Variants in DDX21 observed in about 807,000 individuals in gnomAD.
DDX21 encodes DExD-box helicase 21.
Under a neutral mutation model 90.0 loss-of-function variants are expected in DDX21, and 18 were observed. The observed-to-expected ratio is 0.20, with a 90% CI of 0.14 to 0.30. DDX21 has a LOEUF of 0.30. Among genes scored for constraint, DDX21 ranks in the 10% least tolerant of loss-of-function variants. DDX21 has a pLI of 1.00. For missense variants in DDX21, 673 were observed against 944.5 expected (o/e 0.71, Z 3.77); for synonymous variants, 294 against 318.0 (o/e 0.92, Z 0.80).
At chr10:68,974,141 C>T (rs947378156) in intron 10 of DDX21, among the ~76,000 whole-genome samples, 1 of 152,088 alleles carries the variant, frequency 6.6e-6, no homozygotes, top group Non-Finnish European at 1.5e-5. Flanking sequence ...AGGACTTTAC[C>T]GAGGAGAGAT....
At chr10:68,957,609 C>T (rs999753995) in intron 1 of DDX21, among the ~76,000 whole-genome samples, 1 of 152,176 alleles carries the variant, frequency 6.6e-6, no homozygotes, top group Non-Finnish European at 1.5e-5. Flanking sequence ...CAGTCAATTG[C>T]GTTCAATTTG....
intron 9 of DDX21, 24 bp from the exon 10 acceptor site, chr10:68,973,521 T>G: frequency 6.2e-7 from 1 of 1,613,718 alleles, no homozygotes; most frequent in Non-Finnish European, 8.5e-7. Context: ...GGTTTAGTGT[T>G]ACTCATGTAT....
intron 1 of DDX21, among the ~76,000 whole-genome samples, chr10:68,959,353 G>T (rs1209013938): frequency 6.6e-6 from 1 of 152,132 alleles, no homozygotes; most frequent in South Asian, 2.1e-4. Context: ...AATTCGCTGG[G>T]TGTGGTGGTG....
chr10:68,958,349 G>GT (rs1842828355), intron 1 of DDX21, among the ~76,000 whole-genome samples: 1 of 151,988 alleles, frequency 6.6e-6, no homozygotes, highest in Non-Finnish European at 1.5e-5. Flanking sequence ...GCTGACTGCA[G>GT]TCTTGAATTC....
intron 1 of DDX21, among the ~76,000 whole-genome samples, chr10:68,957,807 G>A (rs1280888681): frequency 6.6e-6 from 1 of 152,150 alleles, no homozygotes; most frequent in African/African-American, 2.4e-5. Flanking sequence ...CAGAGACCAG[G>A]CCTGAAATTT....
intron 5 of DDX21, 50 bp from the exon 6 acceptor site, chr10:68,966,968 A>G: frequency 1.9e-6 from 3 of 1,546,016 alleles, no homozygotes; most frequent in South Asian, 1.2e-5. Flanking sequence ...CCCCACACAG[A>G]TAAAAGTACT....
At position 68,981,635 on chromosome 10, in the gene DDX21, A is replaced by G. The variant is rs1843193375; in HGVS notation, c.2082+54A>G. On this transcript the variant is annotated intron_variant, in intron 14 of 14. Transcript: ENST00000354185. Reference sequence around the variant, plus strand: ...AACATACCTAAATTGTAGAATGTTAATTATGAAAATAGAGAATAATAGATT... The same window carrying G: ...AACATACCTAAATTGTAGAATGTTAGTTATGAAAATAGAGAATAATAGATT... The G allele has an allele frequency of 9.5e-6, 13 of 1,367,088 alleles. No individual in the cohort carries two copies. In the South Asian group the frequency reaches 1.4e-4, roughly 15 times the overall value. The allele number at this position is 1,367,088 out of a possible 1,614,324, so 84.7% of individuals were successfully genotyped here. A position where few individuals can be genotyped will look rare whatever the true frequency, so the allele number is the denominator to read the frequency against.
intron 8 of DDX21, 114 bp downstream of exon 8, chr10:68,970,464 T>C: frequency 5.6e-6 from 6 of 1,080,742 alleles, no homozygotes; most frequent in Non-Finnish European, 7.6e-6. Flanking sequence ...TTTAGTTTAG[T>C]TTAGAAATGA....
At chr10:68,965,248 A>G in intron 4 of DDX21, 129 bp from the exon 5 acceptor site, 2 of 618,444 alleles carry the variant, frequency 3.2e-6, no homozygotes, top group East Asian at 5.7e-5. Context: ...AATATTAGAT[A>G]ATGTTATCGT....
rs1418233373 is a variant in DDX21 at position 68,959,483 on chromosome 10, ACT to A, written c.88-320_88-319del. 2.0e-5 allele frequency among the ~76,000 whole-genome samples: 3 copies of A among 152,140 alleles called. No homozygotes were observed. In the South Asian group the frequency reaches 6.2e-4, roughly 32 times the overall value. ...ACTACAGCCTGGGCGACAGAGCGAGACTCTGTCTCAAAAAAGAAAATCTGTTT... is the reference window on the plus strand; with the variant it reads ...ACTACAGCCTGGGCGACAGAGCGAGACTGTCTCAAAAAAGAAAATCTGTTT... On this transcript the variant is annotated intron_variant, in intron 1 of 14. Transcript: ENST00000354185.
intron 1 of DDX21, among the ~76,000 whole-genome samples, chr10:68,958,906 T>C (rs981464670): frequency 3.1e-4 from 47 of 152,164 alleles, no homozygotes; most frequent in African/African-American, 1.1e-3. Context: ...TCATTTGCTC[T>C]TGTAAGATAG....
intron 5 of DDX21, 118 bp from the exon 6 acceptor site, chr10:68,966,900 T>C (rs1372544810): frequency 1.4e-6 from 1 of 733,220 alleles, no homozygotes; most frequent in Non-Finnish European, 2.1e-6. Flanking sequence ...AGCATATTAC[T>C]TTGTACTTGT....
intron 13 of DDX21, among the ~76,000 whole-genome samples, chr10:68,980,758 G>A (rs533394844): frequency 2.8e-4 from 42 of 147,400 alleles, no homozygotes; most frequent in Admixed American, 5.5e-4. Flanking sequence ...TGTAATCTCA[G>A]TATTTTGGGA....
intron 1 of DDX21, chr10:68,956,549 T>C: frequency 7.3e-7 from 1 of 1,367,212 alleles, no homozygotes; most frequent in Non-Finnish European, 9.5e-7. Flanking sequence ...TCTGAGCTTA[T>C]AGGCATCCAC....
chr10:68,963,479 TTAAATACAAGGGC>T lies in DDX21; in HGVS notation c.786+12_786+24del. On this transcript the variant is annotated intron_variant, in intron 4 of 14. Transcript: ENST00000354185. ...AGGCCGTGCCCCTCAGGTAACTGTC[TTAAATACAAGGGC>T]TCTCAGTCAGCATAGGAAAAACCAC... 6.2e-7 allele frequency: 1 copy of T among 1,602,314 alleles called. No homozygotes were observed. Among genetic ancestry groups the T allele is most frequent in the Non-Finnish European group, 8.5e-7 (1 of 1,174,760 alleles).
rs1564631563 is a variant in DDX21, at chr10:68,983,486, TAGTATATATAAA to T, written c.*679_*690del. ...CATGCTTTAGTGAATTCTTCATAGA[TAGTATATATAAA>T]AGTACATTTTAATAGAAAGCCAGGG... On this transcript the variant is annotated 3_prime_UTR_variant, in exon 15 of 15. Coordinates refer to ENST00000354185, the MANE Select transcript of DDX21 (RefSeq NM_004728.4). 6.6e-6 allele frequency: 1 copy of T among 152,168 alleles called. No homozygotes were observed. The highest frequency in any genetic ancestry group is 2.4e-5 in the African/African-American group (1 of 41,432). 9.4% of individuals were successfully genotyped at this position (152,168 alleles called of 1,614,324 possible). A position where few individuals can be genotyped will look rare whatever the true frequency, so the allele number is the denominator to read the frequency against.
chr10:68,967,266 T>A (rs536827424), intron 6 of DDX21, 63 bp downstream of exon 6: 1 of 1,499,488 alleles, frequency 6.7e-7, no homozygotes, highest in Admixed American at 1.9e-5. Context: ...CTCTGTCTCC[T>A]GGGTTCAAGT....
chr10:68,980,732 T>C (rs1843173631), intron 13 of DDX21, among the ~76,000 whole-genome samples: 2 of 150,738 alleles, frequency 1.3e-5, no homozygotes, highest in Non-Finnish European at 2.9e-5. Flanking sequence ...CCTGGCTAGG[T>C]GCCATGGCTC....
chr10:68,958,286 G>A (rs760038869), intron 1 of DDX21, among the ~76,000 whole-genome samples: 1 of 151,494 alleles, frequency 6.6e-6, no homozygotes, highest in Non-Finnish European at 1.5e-5. Flanking sequence ...TTTATTTTTT[G>A]TAGAGACAGA....
Sources: gnomAD v4.1 joint callset for allele counts (sites outside exome capture counted in the v4.1 genomes callset) on GRCh38, gnomAD v4.1.1 for gene constraint, MANE v1.5 for transcripts, NCBI Gene and HGNC (gene_info 2026-07-23, HGNC 2026-07-21) for gene names.